The following HECW1 variants were observed in gnomAD, a reference collection of about 807,000 sequenced individuals.
HECW1 encodes E3 ubiquitin-protein ligase HECW1.
A neutral mutation model predicts 182.3 loss-of-function variants in HECW1; 61 were observed. The ratio of observed to expected loss-of-function variants is 0.33; its 90% confidence interval spans 0.27 to 0.41. The LOEUF (loss-of-function observed/expected upper bound fraction) is 0.41, where lower values mean the gene tolerates loss of function less well. HECW1 is among the 10% of genes least tolerant of loss of function. HECW1 has a pLI of 1.00. For synonymous variants in HECW1, 859 were observed against 832.6 expected, an observed-to-expected ratio of 1.03 and a Z score of -0.55; for missense variants, 1,739 against 2,108.9, an observed-to-expected ratio of 0.82 and a Z score of 3.44.
intron 24 of HECW1, among the ~76,000 whole-genome samples, chr7:43,538,297 C>T (rs1345758674): frequency 6.6e-6 from 1 of 152,156 alleles, no homozygotes; most frequent in Non-Finnish European, 1.5e-5. Flanking sequence ...CCCTGGAGTT[C>T]CTGAGGCCCA....
intron 3 of HECW1, among the ~76,000 whole-genome samples, chr7:43,300,238 T>C (rs142213465): frequency 6.6e-6 from 1 of 152,368 alleles, no homozygotes; most frequent in Non-Finnish European, 1.5e-5. Context: ...TAGGAATCTC[T>C]TGAGGTAAAC....
rs1792840176 is a variant in HECW1, at chr7:43,181,299, T to C, written c.-31-62576T>C. Among the ~76,000 whole-genome samples, 3 of 150,998 alleles carry C rather than the reference T, an allele frequency of 2.0e-5. No individual in the cohort carries two copies. The South Asian group carries it at 6.2e-4, about 31-fold the overall frequency. On this transcript the variant is annotated intron_variant, in intron 2 of 29. Transcript: ENST00000395891. ...TTGGCTGTTGTGAATACTGCTGCAATAAATAAGGGAGTGCTGATCTCTTGG... is the reference window on the plus strand; with the variant it reads ...TTGGCTGTTGTGAATACTGCTGCAACAAATAAGGGAGTGCTGATCTCTTGG...
chr7:43,256,323 A>C (rs922749699), intron 3 of HECW1, among the ~76,000 whole-genome samples: 4 of 152,164 alleles, frequency 2.6e-5, no homozygotes, highest in African/African-American at 7.2e-5. Context: ...GTAAAGATGA[A>C]CATCGGCTGG....
chr7:43,131,453 G>A (rs991519770), intron 2 of HECW1, among the ~76,000 whole-genome samples: 2 of 152,130 alleles, frequency 1.3e-5, no homozygotes, highest in Non-Finnish European at 2.9e-5. Flanking sequence ...GAAGTTAAAT[G>A]TACCTTTGTT....
chr7:43,240,447 G>C (rs1409615426), intron 2 of HECW1, among the ~76,000 whole-genome samples: 1 of 152,172 alleles, frequency 6.6e-6, no homozygotes, highest in Non-Finnish European at 1.5e-5. Context: ...CCACTTATCA[G>C]ACGACAGACC....
At chr7:43,526,392 A>C (rs1282569193) in intron 24 of HECW1, among the ~76,000 whole-genome samples, 1 of 152,256 alleles carries the variant, frequency 6.6e-6, no homozygotes, top group Non-Finnish European at 1.5e-5. Context: ...TCCAGCAGTT[A>C]GCACAGTGCC....
chr7:43,361,101 C>G (rs1221773472), intron 6 of HECW1, 121 bp downstream of exon 6: 2 of 637,886 alleles, frequency 3.1e-6, no homozygotes, highest in African/African-American at 3.7e-5. Flanking sequence ...CGTGTACATA[C>G]ACACATATGG....
rs61756578 is a variant in HECW1, at chr7:43,541,175, C to T, written c.4032C>T (p.Ser1344=). The change falls in exon 25 of 30, where the codon AGC becomes AGT. Residue 1344 remains serine, a synonymous_variant. Transcript: ENST00000395891. ...VENHLEWFRF[S]GRILGLALIH... ...GTCTGTGTTCCAGGTTCAGGTTTAG[C>T]GGTCGCATCCTGGGTCTGGCTCTGA... is the stretch of plus-strand genomic sequence containing the variant. 1.2e-3 allele frequency: 1,979 copies of T among 1,613,686 alleles called. 10 individuals are homozygous for T. The Middle Eastern group carries it at 0.018, about 15-fold the overall frequency.
Position 43,243,052 on chromosome 7 carries a change from G to A in HECW1, c.-31-823G>A, listed in dbSNP as rs1799038167. 6.6e-6 allele frequency among the ~76,000 whole-genome samples: 1 copy of A among 152,158 alleles called. No homozygotes were observed. Among genetic ancestry groups the A allele is most frequent in the African/African-American group, 2.4e-5 (1 of 41,422 alleles). On this transcript the variant is annotated intron_variant, in intron 2 of 29. Transcript: ENST00000395891. The surrounding 1 kb of genome is among the most constrained non-coding windows in gnomAD (Gnocchi z 4.0). The stretch of plus-strand genomic sequence containing the variant: ...GTCAGCAAAGCTTCAGGTTTCATCG[G>A]GGTTTGGGAATGCTGACATCATAGA...
At chr7:43,149,187 G>A (rs1007164860) in intron 2 of HECW1, among the ~76,000 whole-genome samples, 1 of 152,058 alleles carries the variant, frequency 6.6e-6, no homozygotes, top group Non-Finnish European at 1.5e-5. Flanking sequence ...AAAATAATGA[G>A]GTTAGAGCAG....
intron 3 of HECW1, among the ~76,000 whole-genome samples, chr7:43,251,957 G>C (rs768779315): frequency 6.6e-6 from 1 of 152,154 alleles, no homozygotes; most frequent in Non-Finnish European, 1.5e-5. Context: ...GTGCTCTGGG[G>C]GGGTACATTC....
intron 5 of HECW1, among the ~76,000 whole-genome samples, chr7:43,359,315 C>T (rs1428838641): frequency 1.3e-5 from 2 of 152,104 alleles, no homozygotes; most frequent in Non-Finnish European, 2.9e-5. Flanking sequence ...CATTATCAAT[C>T]AAAATAAAAC....
chr7:43,437,944 G>A, intron 8 of HECW1, 59 bp from the exon 9 acceptor site: 1 of 1,566,548 alleles, frequency 6.4e-7, no homozygotes, highest in Non-Finnish European at 8.7e-7. Flanking sequence ...AGATGGACTG[G>A]GAATTGACCA....
At chr7:43,174,087 C>A (rs1791973849) in intron 2 of HECW1, among the ~76,000 whole-genome samples, 1 of 152,164 alleles carries the variant, frequency 6.6e-6, no homozygotes, top group South Asian at 2.1e-4. Flanking sequence ...GCAGTCCTCC[C>A]ACCTTGGCCT....
chr7:43,466,402 C>T (rs1282136198), intron 14 of HECW1, 45 bp from the exon 15 acceptor site: 1 of 1,602,514 alleles, frequency 6.2e-7, no homozygotes. Context: ...GGTTGAAATG[C>T]CTTTTTCCCA....
rs772320822 is a variant in HECW1, at chr7:43,550,481, A to C, written c.4285A>C (p.Thr1429Pro). 1 of 1,614,182 alleles carries C rather than the reference A, an allele frequency of 6.2e-7. No homozygotes were observed. Among genetic ancestry groups the C allele is most frequent in the Non-Finnish European group, 8.5e-7 (1 of 1,180,030 alleles). ...GGAGTTGAAGTCTGGAGGAGCCAAC[A>C]CACAGGTGACGGAGAAAAACAAGAA... ...ERELKSGGANTQVTEKNKKEY... is the reference protein window; with the variant it reads ...ERELKSGGANPQVTEKNKKEY... The change falls in exon 27 of 30, where the codon ACA (threonine) becomes CCA (proline). Residue 1429 changes from threonine to proline, a missense_variant. By Grantham distance (38) the Thr-to-Pro change is conservative. Transcript: ENST00000395891.
At chr7:43,256,644 A>C (rs1047302640) in intron 3 of HECW1, among the ~76,000 whole-genome samples, 1 of 151,890 alleles carries the variant, frequency 6.6e-6, no homozygotes, top group African/African-American at 2.4e-5. Context: ...AAAGATGAAC[A>C]TCAAAGTAAT....
chr7:43,508,854 C>T, intron 23 of HECW1, 115 bp from the exon 24 acceptor site: 1 of 1,032,200 alleles, frequency 9.7e-7, no homozygotes. Context: ...GCAGAGGCTG[C>T]TCTCTGCTTT....
At chr7:43,300,906 G>C (rs1013125407) in intron 3 of HECW1, among the ~76,000 whole-genome samples, 1 of 152,170 alleles carries the variant, frequency 6.6e-6, no homozygotes, top group African/African-American at 2.4e-5. Context: ...AGCCGCCCCT[G>C]CTACTTTGTC....
Sources: gnomAD v4.1 joint callset for allele counts (sites outside exome capture counted in the v4.1 genomes callset) on GRCh38, gnomAD v4.1.1 for gene constraint, Gnocchi (gnomAD v3.1) non-coding constraint, MANE v1.5 for transcripts, NCBI Gene and HGNC (gene_info 2026-07-23, HGNC 2026-07-21) for gene names.